Variants in TDRD12 observed in about 807,000 individuals in gnomAD.
TDRD12 encodes tudor domain containing 12, also known as putative ATP-dependent RNA helicase TDRD12.
TDRD12 carries 158 observed loss-of-function variants against 133.5 expected under a neutral mutation model. That is an observed-to-expected ratio of 1.18 (90% CI 1.04 to 1.35). The LOEUF (loss-of-function observed/expected upper bound fraction) is 1.35, where lower values mean the gene tolerates loss of function less well. TDRD12 is among the 40% of genes most tolerant of loss of function. TDRD12 has a pLI of 0.00. For synonymous variants in TDRD12, 460 were observed against 477.9 expected, an observed-to-expected ratio of 0.96 and a Z score of 0.49; for missense variants, 1,443 against 1,321.3, an observed-to-expected ratio of 1.09 and a Z score of -1.43.
chr19:32,793,045 G>A (rs2145670236), intron 13 of TDRD12, among the ~76,000 whole-genome samples: 1 of 152,244 alleles, frequency 6.6e-6, no homozygotes, highest in Non-Finnish European at 1.5e-5. Context: ...AATTAGCTGG[G>A]TGTGGTGGCA....
exon 1 of TDRD12, chr19:32,719,901 C>G: frequency 4.0e-6 from 3 of 754,616 alleles, no homozygotes; most frequent in Non-Finnish European, 6.5e-6. Context: ...CGCGAGGGCT[C>G]CTGGGGACGA....
intron 13 of TDRD12, among the ~76,000 whole-genome samples, chr19:32,793,457 C>A (rs1319414277): frequency 6.6e-6 from 1 of 152,092 alleles, no homozygotes; most frequent in Non-Finnish European, 1.5e-5. Flanking sequence ...TTGCTCAATA[C>A]CAAGTGCAGA....
chr19:32,748,507 C>A (rs1969724394), exon 5 of TDRD12: 16 of 1,551,698 alleles, frequency 1.0e-5, no homozygotes, highest in East Asian at 2.4e-5. Context: ...TGCAGCTATT[C>A]AGTACTTTCA....
At chr19:32,797,766 A>G in exon 15 of TDRD12, 1 of 700,732 alleles carries the variant, frequency 1.4e-6, no homozygotes, top group Non-Finnish European at 2.6e-6. Context: ...CCTGGGTGGA[A>G]GAAGGCCCAA....
intron 8 of TDRD12, among the ~76,000 whole-genome samples, chr19:32,768,373 G>A (rs1304774879): frequency 6.8e-6 from 1 of 147,756 alleles, no homozygotes; most frequent in Non-Finnish European, 1.5e-5. Flanking sequence ...ATTTCTGGTG[G>A]TGGTCTTTAT....
chr19:32,753,044 G>A (rs1363188331), intron 6 of TDRD12, among the ~76,000 whole-genome samples: 1 of 151,712 alleles, frequency 6.6e-6, no homozygotes, highest in Non-Finnish European at 1.5e-5. Context: ...CTCCCACCTT[G>A]GCCTCCCAAA....
chr19:32,736,560 C>T (rs1254254009), intron 2 of TDRD12, among the ~76,000 whole-genome samples: 7 of 152,208 alleles, frequency 4.6e-5, no homozygotes. Context: ...TTGACTTCAG[C>T]ATTAAATAGA....
At chr19:32,766,647 C>G (rs1053938857) in intron 8 of TDRD12, among the ~76,000 whole-genome samples, 2 of 151,646 alleles carry the variant, frequency 1.3e-5, no homozygotes, top group African/African-American at 4.8e-5. Flanking sequence ...CAGAGTCTCG[C>G]TCTGTCATTC....
intron 6 of TDRD12, among the ~76,000 whole-genome samples, chr19:32,750,499 A>G (rs1969791832): frequency 6.6e-6 from 1 of 152,252 alleles, no homozygotes; most frequent in African/African-American, 2.4e-5. Flanking sequence ...ATTTTGGGAT[A>G]TGCTTTGCCC....
intron 2 of TDRD12, among the ~76,000 whole-genome samples, chr19:32,732,422 G>A (rs1020667338): frequency 9.2e-5 from 14 of 152,246 alleles, no homozygotes; most frequent in African/African-American, 3.4e-4. Context: ...AGGCATTAGG[G>A]CCATCCCTCT....
intron 8 of TDRD12, among the ~76,000 whole-genome samples, chr19:32,763,543 A>G (rs1295940539): frequency 6.6e-6 from 1 of 152,188 alleles, no homozygotes. Flanking sequence ...CTGGTTCAAT[A>G]GTTTCTCCTG....
chr19:32,749,649 C>T lies in TDRD12; in HGVS notation c.497-135C>T, dbSNP rs1215882785. 9 of 616,190 alleles carry T rather than the reference C, an allele frequency of 1.5e-5. No homozygotes were observed. In the East Asian group the frequency reaches 2.1e-4, roughly 14 times the overall value. The allele number at this position is 616,190 out of a possible 1,614,324, so 38.2% of individuals were successfully genotyped here. The stretch of plus-strand genomic sequence containing the variant: ...AGGAGTGCCTTTTCCTAACATGCTC[C>T]CCCTGGTCCTGCCCGAGGAAGACAT... On this transcript the variant is annotated intron_variant, in intron 5 of 27. Transcript: ENST00000444215.
chr19:32,775,675 A>C (rs1970561664), intron 10 of TDRD12, among the ~76,000 whole-genome samples: 1 of 151,438 alleles, frequency 6.6e-6, no homozygotes. Flanking sequence ...TTTTTTTTCA[A>C]AAGTTTATAT....
chr19:32,791,018 A>G (rs11881633), exon 13 of TDRD12: 828,323 of 1,535,468 alleles, frequency 0.54, 227,658 homozygotes, highest in East Asian at 0.86. Context: ...GAACAAGATC[A>G]AGCCCTGCTT....
chr19:32,767,097 TTTATTTATTTATTTA>T (rs1970320363), intron 8 of TDRD12, among the ~76,000 whole-genome samples: 2 of 19,330 alleles, frequency 1.0e-4, no homozygotes, highest in South Asian at 1.2e-3. Flanking sequence ...ATGCATTTTA[TTTATTTATTTATTTA>T]TTTATTTATT....
intron 4 of TDRD12, among the ~76,000 whole-genome samples, chr19:32,744,854 T>A (rs541079150): frequency 6.6e-6 from 1 of 152,332 alleles, no homozygotes; most frequent in South Asian, 2.1e-4. Context: ...AGTCCAGTTC[T>A]GACTCCACTG....
chr19:32,725,879 T>A (rs768317131), intron 1 of TDRD12, among the ~76,000 whole-genome samples: 1 of 152,164 alleles, frequency 6.6e-6, no homozygotes, highest in Non-Finnish European at 1.5e-5. Flanking sequence ...TGTCCTCTTT[T>A]ATTTCCTTTG....
intron 2 of TDRD12, among the ~76,000 whole-genome samples, chr19:32,734,225 A>G (rs1969153032): frequency 6.6e-6 from 1 of 152,012 alleles, no homozygotes; most frequent in Non-Finnish European, 1.5e-5. Context: ...CAGAAGGCCT[A>G]TGAATGCAAA....
At chr19:32,751,783 G>A (rs1969835824) in intron 6 of TDRD12, among the ~76,000 whole-genome samples, 1 of 152,152 alleles carries the variant, frequency 6.6e-6, no homozygotes, top group Non-Finnish European at 1.5e-5. Flanking sequence ...GGTCTCAACA[G>A]GCAGTCTTCT....
Sources: gnomAD v4.1 joint callset for allele counts (sites outside exome capture counted in the v4.1 genomes callset) on GRCh38, gnomAD v4.1.1 for gene constraint, MANE v1.5 for transcripts, NCBI Gene and HGNC (gene_info 2026-07-23, HGNC 2026-07-21) for gene names.